The following CFHR1 variants were observed in gnomAD, a reference collection of about 807,000 sequenced individuals.
CFHR1 encodes the protein complement factor H-related protein 1.
CFHR1 carries 22 observed loss-of-function variants against 30.4 expected under a neutral mutation model. The ratio of observed to expected loss-of-function variants is 0.72; its 90% confidence interval spans 0.52 to 1.03. CFHR1 has a LOEUF of 1.03. Among genes scored for constraint, CFHR1 ranks in the 50% least tolerant of loss-of-function variants. The probability of loss-of-function intolerance (pLI) is 0.00; values close to 1 mark genes in which losing one functional copy is unlikely to be tolerated. For synonymous variants in CFHR1, 95 were observed against 129.1 expected (o/e 0.74, Z 1.79); for missense variants, 248 against 380.6 (o/e 0.65, Z 2.90).
rs1451507619 is a variant in CFHR1 at position 196,828,669 on chromosome 1, A to G, written c.607+423A>G. On this transcript the variant is annotated intron_variant, in intron 4 of 5. Transcript: ENST00000320493. Reference sequence around the variant, plus strand: ...TATTTAAAGGTGTGTGACTGACTGTATTTATAAAAAGAAGTCCGAGCACAT... The same window carrying G: ...TATTTAAAGGTGTGTGACTGACTGTGTTTATAAAAAGAAGTCCGAGCACAT... 7.5e-5 allele frequency among the ~76,000 whole-genome samples: 10 copies of G among 133,510 alleles called. 3 individuals carry two copies. Among genetic ancestry groups the G allele is most frequent in the African/African-American group, 3.2e-4 (10 of 30,956 alleles). 87.6% of individuals were successfully genotyped at this position (133,510 alleles called of 152,430 possible).
In CFHR1 at chr1:196,831,736, G is replaced by T. The variant is rs554943119; in HGVS notation, c.791-61G>T. On this transcript the variant is annotated intron_variant, in intron 5 of 5. Transcript: ENST00000320493. ...CATATAACATTCTACTTGAAAACCT[G>T]AAAGTCTATGAAGATTTGCATACTA... The T allele has an allele frequency of 5.3e-5, 76 of 1,443,330 alleles. 1 individual carries two copies. The East Asian group carries it at 1.4e-3, about 26-fold the overall frequency. 89.4% of individuals were successfully genotyped at this position (1,443,330 alleles called of 1,614,324 possible). A position where few individuals can be genotyped will look rare whatever the true frequency, so the allele number is the denominator to read the frequency against.
At chr1:196,830,219 T>G (rs1655490746) in intron 4 of CFHR1, among the ~76,000 whole-genome samples, 1 of 135,758 alleles carries the variant, frequency 7.4e-6, no homozygotes, top group East Asian at 2.0e-4. Context: ...TAGTTTTCTA[T>G]GTTTAGCATG....
chr1:196,822,031 A>G (rs377449816), intron 1 of CFHR1, among the ~76,000 whole-genome samples: 2 of 132,212 alleles, frequency 1.5e-5, no homozygotes, highest in South Asian at 2.6e-4. Context: ...CAATAAAAAT[A>G]CAGTATAAAA....
At position 196,824,748 on chromosome 1, in the gene CFHR1, GTATATATATATA is replaced by G. The variant is rs71131725; in HGVS notation, c.59-707_59-696del. On this transcript the variant is annotated intron_variant, in intron 1 of 5. Coordinates refer to ENST00000320493, the MANE Select transcript of CFHR1 (RefSeq NM_002113.3). ...CGAAGTGAAACGAGTGGGGCTGACT[GTATATATATATA>G]TATATATATATATATATATATGTGC... Among the ~76,000 whole-genome samples the G allele has an allele frequency of 1.3e-4, 7 of 54,998 alleles. 1 individual carries two copies. The highest frequency in any genetic ancestry group is 1.5e-3 in the South Asian group (2 of 1,336). 36.1% of individuals were successfully genotyped at this position (54,998 alleles called of 152,430 possible). A position where few individuals can be genotyped will look rare whatever the true frequency, so the allele number is the denominator to read the frequency against.
In CFHR1 at chr1:196,826,450, A is replaced by G. The variant is rs1405567851; in HGVS notation, c.254-379A>G. ...TTTGAAAGTGTTTATATTTGATTTC[A>G]GCTTTGAAAGCTTTCCTTTTTAATT... On this transcript the variant is annotated intron_variant, in intron 2 of 5. Transcript: ENST00000320493. Among the ~76,000 whole-genome samples the G allele has an allele frequency of 1.5e-4, 17 of 114,626 alleles. 6 individuals carry two copies. The highest frequency in any genetic ancestry group is 7.4e-4 in the African/African-American group (17 of 22,960). The allele number at this position is 114,626 out of a possible 152,430, so 75.2% of individuals were successfully genotyped here.
chr1:196,831,434 T>C lies in CFHR1; in HGVS notation c.791-363T>C, dbSNP rs989565989. ...AGCTCTAAATATCACTAGATCTCTA[T>C]GTTTGATTCCAAGTTCTTATTCATA... is the stretch of plus-strand genomic sequence containing the variant. On this transcript the variant is annotated intron_variant, in intron 5 of 5. Transcript: ENST00000320493. Among the ~76,000 whole-genome samples the C allele has an allele frequency of 5.9e-5, 8 of 135,154 alleles. 2 individuals are homozygous for C. The highest frequency in any genetic ancestry group is 1.4e-4 in the Admixed American group (2 of 14,034). 88.7% of individuals were successfully genotyped at this position (135,154 alleles called of 152,430 possible).
chr1:196,822,883 T>G (rs1185476467), intron 1 of CFHR1, among the ~76,000 whole-genome samples: 1 of 134,958 alleles, frequency 7.4e-6, no homozygotes, highest in East Asian at 2.0e-4. Context: ...GTGGCATATT[T>G]TTATGTGACT....
chr1:196,825,314 G>A, intron 1 of CFHR1, 163 bp from the exon 2 acceptor site: 2 of 479,084 alleles, frequency 4.2e-6, no homozygotes, highest in South Asian at 2.6e-5. Flanking sequence ...CTCCTAGTTA[G>A]TGATGCTTTT....
chr1:196,824,304 C>A lies in CFHR1; in HGVS notation c.59-1173C>A, dbSNP rs12754859. On this transcript the variant is annotated intron_variant, in intron 1 of 5. Transcript: ENST00000320493. ...GGAGTCTTGCTCTGTCGCCCCCAGG[C>A]TCGAGTTTAGTGGCATGATCTCCGC... 6.8e-5 allele frequency among the ~76,000 whole-genome samples: 9 copies of A among 133,112 alleles called. 1 individual carries two copies. Among genetic ancestry groups the A allele is most frequent in the African/African-American group, 9.8e-5 (3 of 30,640 alleles). 87.3% of individuals were successfully genotyped at this position (133,112 alleles called of 152,430 possible).
chr1:196,827,803 C>T lies in CFHR1; in HGVS notation c.431-267C>T, dbSNP rs1181556739. ...ATATCCAGGAAAACTTTCGTTTACACTGGCTTCCAGAAGGGAAAAATAAAG... is the reference window on the plus strand; with the variant it reads ...ATATCCAGGAAAACTTTCGTTTACATTGGCTTCCAGAAGGGAAAAATAAAG... On this transcript the variant is annotated intron_variant, in intron 3 of 5. Coordinates refer to ENST00000320493, the MANE Select transcript of CFHR1 (RefSeq NM_002113.3). Among the ~76,000 whole-genome samples the T allele has an allele frequency of 5.3e-5, 7 of 132,340 alleles. No homozygotes were observed. The East Asian group carries it at 7.9e-4, about 15-fold the overall frequency. The allele number at this position is 132,340 out of a possible 152,430, so 86.8% of individuals were successfully genotyped here. A position where few individuals can be genotyped will look rare whatever the true frequency, so the allele number is the denominator to read the frequency against.
In CFHR1 at chr1:196,823,091, ATATATATATATGTG is replaced by A. The variant is rs1244606497; in HGVS notation, c.59-2384_59-2371del. 3.8e-4 allele frequency among the ~76,000 whole-genome samples: 46 copies of A among 120,134 alleles called. 7 individuals are homozygous for A. Among genetic ancestry groups the A allele is most frequent in the Middle Eastern group, 8.5e-3 (2 of 234 alleles). 78.8% of individuals were successfully genotyped at this position (120,134 alleles called of 152,430 possible). On this transcript the variant is annotated intron_variant, in intron 1 of 5. Coordinates refer to ENST00000320493, the MANE Select transcript of CFHR1 (RefSeq NM_002113.3). ...TGAATAACTGTACGACTGTATATAT[ATATATATATATGTG>A]TGTGTGTGTGTGTGTGTGTGTGTGT... is the stretch of plus-strand genomic sequence containing the variant.
chr1:196,828,989 T>C (rs1420667238), intron 4 of CFHR1, among the ~76,000 whole-genome samples: 1 of 133,940 alleles, frequency 7.5e-6, no homozygotes, highest in Non-Finnish European at 1.6e-5. Flanking sequence ...TGTCATTTAT[T>C]TGTTTCTGTC....
chr1:196,820,653 T>C (rs1655085630), intron 1 of CFHR1, among the ~76,000 whole-genome samples: 1 of 126,362 alleles, frequency 7.9e-6, no homozygotes, highest in Non-Finnish European at 1.6e-5. Context: ...ATCATTATGC[T>C]TTACCCTTTG....
chr1:196,822,490 T>C (rs1655155615), intron 1 of CFHR1, among the ~76,000 whole-genome samples: 1 of 132,498 alleles, frequency 7.5e-6, no homozygotes, highest in Non-Finnish European at 1.6e-5. Context: ...TATAAGCTTT[T>C]ATCTTTTAAA....
chr1:196,828,875 T>C (rs1239166691), intron 4 of CFHR1, among the ~76,000 whole-genome samples: 1 of 130,960 alleles, frequency 7.6e-6, no homozygotes, highest in African/African-American at 3.3e-5. Flanking sequence ...CAGCATATAG[T>C]TGGGTCATGT....
Position 196,827,251 on chromosome 1 carries a change from G to T in CFHR1, c.430+246G>T, listed in dbSNP as rs1195383649. Among the ~76,000 whole-genome samples, 11 of 134,806 alleles carry T rather than the reference G, an allele frequency of 8.2e-5. 2 individuals carry two copies. The highest frequency in any genetic ancestry group is 1.3e-4 in the African/African-American group (4 of 31,464). The allele number at this position is 134,806 out of a possible 152,430, so 88.4% of individuals were successfully genotyped here. On this transcript the variant is annotated intron_variant, in intron 3 of 5. Transcript: ENST00000320493. Reference sequence around the variant, plus strand: ...CATCTCCTTGGAGATTGTTTGAAATGAAAATACAATTCCATAAGCTCATTC... The same window carrying T: ...CATCTCCTTGGAGATTGTTTGAAATTAAAATACAATTCCATAAGCTCATTC...
chr1:196,825,720 A>G (rs761214027), intron 2 of CFHR1, 49 bp downstream of exon 2: 2 of 1,443,190 alleles, frequency 1.4e-6, no homozygotes, highest in Admixed American at 3.5e-5. Flanking sequence ...GTGAATAGAG[A>G]AGGATATGCC....
rs1160175399 is a variant in CFHR1, at chr1:196,823,093, ATATATATATGTGTGTGTGTGTGTG to A, written c.59-2382_59-2359del. ...AATAACTGTACGACTGTATATATAT[ATATATATATGTGTGTGTGTGTGTG>A]TGTGTGTGTGTGTGTGTATCCCAGA... On this transcript the variant is annotated intron_variant, in intron 1 of 5. Coordinates refer to ENST00000320493, the MANE Select transcript of CFHR1 (RefSeq NM_002113.3). Among the ~76,000 whole-genome samples the A allele has an allele frequency of 9.9e-5, 12 of 120,850 alleles. 3 individuals carry two copies. Among genetic ancestry groups the A allele is most frequent in the African/African-American group, 4.9e-4 (12 of 24,592 alleles). 79.3% of individuals were successfully genotyped at this position (120,850 alleles called of 152,430 possible). A position where few individuals can be genotyped will look rare whatever the true frequency, so the allele number is the denominator to read the frequency against.
In CFHR1 at chr1:196,830,627, T is replaced by G. The variant is rs1655515505; in HGVS notation, c.735T>G (p.Gly245=). ...YQCQNLYQLE[G]NKRITCRNGQ... Reference sequence around the variant, plus strand: ...GCCAGAACTTGTATCAACTTGAGGGTAACAAGCGAATAACATGTAGAAATG... The same window carrying G: ...GCCAGAACTTGTATCAACTTGAGGGGAACAAGCGAATAACATGTAGAAATG... Residue 245 remains glycine (G), a synonymous_variant, in exon 5 of 6, where the codon GGT becomes GGG. Transcript: ENST00000320493. 1 of 1,524,282 alleles carries G rather than the reference T, an allele frequency of 6.6e-7. No homozygotes were observed. The allele number at this position is 1,524,282 out of a possible 1,614,324, so 94.4% of individuals were successfully genotyped here.
Sources: allele counts gnomAD v4.1 joint callset (sites outside exome capture counted in the v4.1 genomes callset), GRCh38; gene constraint gnomAD v4.1.1; transcripts MANE v1.5; gene names NCBI Gene and HGNC (gene_info 2026-07-23, HGNC 2026-07-21).